The following MAGI2 variants were observed in gnomAD, a reference collection of about 807,000 sequenced individuals.
MAGI2 encodes membrane associated guanylate kinase, WW and PDZ domain containing 2, also known as membrane-associated guanylate kinase, WW and PDZ domain-containing protein 2.
MAGI2 carries 35 observed loss-of-function variants against 133.3 expected under a neutral mutation model. That is an observed-to-expected ratio of 0.26 (90% confidence interval 0.20 to 0.35). The LOEUF is 0.35. MAGI2 is among the 10% of genes least tolerant of loss of function. The pLI is 1.00. For synonymous variants in MAGI2, 729 were observed against 710.6 expected, an observed-to-expected ratio of 1.03 and a Z score of -0.41; for missense variants, 1,636 against 1,863.4, an observed-to-expected ratio of 0.88 and a Z score of 2.25.
intron 2 of MAGI2, among the ~76,000 whole-genome samples, chr7:78,639,735 A>C (rs903266578): frequency 6.6e-6 from 1 of 152,162 alleles, no homozygotes; most frequent in African/African-American, 2.4e-5. Context: ...TATGTAGAAA[A>C]CATCTGTACA....
chr7:78,399,196 T>C (rs991101858), intron 6 of MAGI2, among the ~76,000 whole-genome samples: 3 of 152,110 alleles, frequency 2.0e-5, no homozygotes, highest in Admixed American at 6.6e-5. Flanking sequence ...TGAAAAAACA[T>C]TCTAAAACGC....
At chr7:79,346,639 G>A (rs1333818912) in intron 1 of MAGI2, among the ~76,000 whole-genome samples, 1 of 151,890 alleles carries the variant, frequency 6.6e-6, no homozygotes, top group African/African-American at 2.4e-5. Context: ...AACAAAGTCT[G>A]TGCTTCTGGT....
At chr7:78,783,996 G>A (rs1172523234) in intron 2 of MAGI2, among the ~76,000 whole-genome samples, 1 of 151,776 alleles carries the variant, frequency 6.6e-6, no homozygotes, top group Non-Finnish European at 1.5e-5. Context: ...TTTTTAATCA[G>A]GAAAAAAAGA....
chr7:78,057,100 T>A (rs528783461), intron 21 of MAGI2, among the ~76,000 whole-genome samples: 25 of 150,504 alleles, frequency 1.7e-4, no homozygotes, highest in South Asian at 1.3e-3. Flanking sequence ...AGTGGGATTG[T>A]TGGATTATAT....
chr7:78,110,928 T>A (rs1030939252), intron 20 of MAGI2, among the ~76,000 whole-genome samples: 8 of 152,166 alleles, frequency 5.3e-5, no homozygotes, highest in African/African-American at 1.9e-4. Context: ...AGCTTCTGAG[T>A]CGCTCTGCCA....
intron 1 of MAGI2, among the ~76,000 whole-genome samples, chr7:79,262,643 T>C (rs1313125492): frequency 1.3e-5 from 2 of 152,170 alleles, no homozygotes; most frequent in Non-Finnish European, 2.9e-5. Context: ...TATCACCACA[T>C]TACAAAGTGA....
At chr7:78,150,564 G>A (rs1354686440) in intron 16 of MAGI2, among the ~76,000 whole-genome samples, 1 of 152,186 alleles carries the variant, frequency 6.6e-6, no homozygotes. Flanking sequence ...ATGATGCCTG[G>A]GGTCTCTTCG....
intron 1 of MAGI2, among the ~76,000 whole-genome samples, chr7:79,250,864 A>G (rs1401754526): frequency 1.3e-5 from 2 of 152,200 alleles, no homozygotes; most frequent in Admixed American, 1.3e-4. Context: ...TATAGTAACC[A>G]AGACAGTGTG....
rs1281982591 is a variant in MAGI2, at chr7:78,891,565, T to C, written c.418+115525A>G. Among the ~76,000 whole-genome samples the C allele has an allele frequency of 2.0e-5, 3 of 152,202 alleles. No homozygotes were observed. The East Asian group carries it at 5.8e-4, about 29-fold the overall frequency. ...GGGCTTTATCCCTGGGATGCAAGAC[T>C]GGTTCAACATACACAAATCAATAAA... On this transcript the variant is annotated intron_variant, in intron 2 of 21. Transcript: ENST00000354212.
chr7:79,124,784 T>A, intron 1 of MAGI2: 1 of 161,664 alleles, frequency 6.2e-6, no homozygotes, highest in Non-Finnish European at 1.3e-5. Context: ...CTTCATTGGG[T>A]TGGGGGAGTT....
At chr7:79,371,779 A>G (rs1843069019) in intron 1 of MAGI2, among the ~76,000 whole-genome samples, 1 of 152,156 alleles carries the variant, frequency 6.6e-6, no homozygotes. Flanking sequence ...GCTTATAGAC[A>G]GTTCTCAAAC....
At chr7:78,533,985 G>A (rs1292911873) in intron 3 of MAGI2, among the ~76,000 whole-genome samples, 3 of 152,092 alleles carry the variant, frequency 2.0e-5, no homozygotes, top group South Asian at 4.1e-4. Context: ...GCTGAGTGAT[G>A]GGCAGAGGGG....
intron 7 of MAGI2, 68 bp from the exon 8 acceptor site, chr7:78,346,111 T>C: frequency 6.4e-7 from 1 of 1,571,242 alleles, no homozygotes; most frequent in Non-Finnish European, 8.7e-7. Context: ...TATGTATGGC[T>C]CTATGGAGAG....
chr7:79,011,656 C>A (rs547506044), intron 1 of MAGI2, among the ~76,000 whole-genome samples: 32 of 152,230 alleles, frequency 2.1e-4, no homozygotes, highest in African/African-American at 7.5e-4. Flanking sequence ...TGGGGATGAC[C>A]ACCAGGGTTT....
chr7:79,025,697 C>T (rs1429529856), intron 1 of MAGI2, among the ~76,000 whole-genome samples: 1 of 152,082 alleles, frequency 6.6e-6, no homozygotes, highest in East Asian at 1.9e-4. Flanking sequence ...AGGTTGTTAT[C>T]ACTCTCACCA....
intron 1 of MAGI2, among the ~76,000 whole-genome samples, chr7:79,083,426 A>G (rs553801210): frequency 6.6e-6 from 1 of 151,008 alleles, no homozygotes; most frequent in Non-Finnish European, 1.5e-5. Flanking sequence ...TTCTACATAT[A>G]TTGAAAATAT....
intron 2 of MAGI2, among the ~76,000 whole-genome samples, chr7:78,775,219 A>G (rs1055639599): frequency 6.7e-6 from 1 of 150,098 alleles, no homozygotes; most frequent in Non-Finnish European, 1.5e-5. Flanking sequence ...AGGCTGAGGC[A>G]GGCGAATGGT....
At chr7:78,284,449 TC>T (rs143838182) in intron 9 of MAGI2, among the ~76,000 whole-genome samples, 1 of 107,006 alleles carries the variant, frequency 9.3e-6, no homozygotes, top group Admixed American at 9.0e-5. Context: ...GGTTTTCTTT[TC>T]TTTTTTTTTT....
intron 21 of MAGI2, among the ~76,000 whole-genome samples, chr7:78,033,407 A>G (rs1160696248): frequency 6.8e-6 from 1 of 146,334 alleles, no homozygotes; most frequent in Admixed American, 7.2e-5. Flanking sequence ...CAGGAGATCA[A>G]GGGTGCAGTG....
Sources: allele counts gnomAD v4.1 joint callset (sites outside exome capture counted in the v4.1 genomes callset), GRCh38; gene constraint gnomAD v4.1.1; transcripts MANE v1.5; gene names NCBI Gene and HGNC (gene_info 2026-07-23, HGNC 2026-07-21).